Variants in GUCY1A2 observed in about 807,000 individuals in gnomAD.
GUCY1A2 encodes guanylate cyclase 1 soluble subunit alpha 2, also known as guanylate cyclase soluble subunit alpha-2.
In GUCY1A2, 27 loss-of-function variants were observed where a neutral mutation model predicts 63.5. The ratio of observed to expected loss-of-function variants is 0.43; its 90% CI spans 0.31 to 0.59. The LOEUF (loss-of-function observed/expected upper bound fraction) is 0.59, where lower values mean the gene tolerates loss of function less well. Ranked by LOEUF, GUCY1A2 falls within the 20% of genes least tolerant of loss-of-function variation. The pLI, the probability that GUCY1A2 is intolerant of heterozygous loss-of-function variation, is 0.11. For missense variants in GUCY1A2, 768 were observed against 913.3 expected, an observed-to-expected ratio of 0.84 and a Z score of 2.05; for synonymous variants, 364 against 343.5, an observed-to-expected ratio of 1.06 and a Z score of -0.66.
Position 106,677,084 on chromosome 11 carries a change from G to A in GUCY1A2, c.*10465C>T, listed in dbSNP as rs1392596526. 2 of 213,690 alleles carry A rather than the reference G, an allele frequency of 9.4e-6. No individual in the cohort carries two copies. Among genetic ancestry groups the A allele is most frequent in the Non-Finnish European group, 1.9e-5 (2 of 105,582 alleles). 13.2% of individuals were successfully genotyped at this position (213,690 alleles called of 1,614,324 possible). The stretch of plus-strand genomic sequence containing the variant: ...ACAAATCCACAAAGTGTTCAATCAT[G>A]TGAAAGTGAAAAAGGGAGGCTCCAG... On this transcript the variant is annotated 3_prime_UTR_variant, in exon 8 of 8. Coordinates refer to ENST00000526355, the MANE Select transcript of GUCY1A2 (RefSeq NM_000855.3).
At position 106,712,648 on chromosome 11, in the gene GUCY1A2, G is replaced by A. The variant is rs114139511; in HGVS notation, c.1837-3982C>T. On this transcript the variant is annotated intron_variant, in intron 6 of 7. Coordinates refer to ENST00000526355, the MANE Select transcript of GUCY1A2 (RefSeq NM_000855.3). ...GTTCTGGGATGCAGTTTAATGACTT[G>A]GAAAAAATTTGTTCCTTTCAAGTCT... 8.0e-3 allele frequency among the ~76,000 whole-genome samples: 1,150 copies of A among 144,254 alleles called. 25 individuals are homozygous for A. Among genetic ancestry groups the A allele is most frequent in the African/African-American group, 0.031 (1,100 of 36,038 alleles). 94.6% of individuals were successfully genotyped at this position (144,254 alleles called of 152,430 possible).
At chr11:106,702,946 A>G (rs1862842985) in intron 7 of GUCY1A2, among the ~76,000 whole-genome samples, 1 of 152,090 alleles carries the variant, frequency 6.6e-6, no homozygotes, top group Admixed American at 6.6e-5. Flanking sequence ...TGTATCTTTG[A>G]GAGTGTTGCC....
At chr11:106,797,744 C>G (rs1364285527) in intron 5 of GUCY1A2, among the ~76,000 whole-genome samples, 1 of 152,078 alleles carries the variant, frequency 6.6e-6, no homozygotes, top group Non-Finnish European at 1.5e-5. Flanking sequence ...AACAAACCAG[C>G]ATCTCTGGGA....
chr11:106,753,591 A>T (rs1449813635), intron 6 of GUCY1A2, among the ~76,000 whole-genome samples: 1 of 152,188 alleles, frequency 6.6e-6, no homozygotes, highest in Non-Finnish European at 1.5e-5. Flanking sequence ...ATGGCTAGTC[A>T]GTTTTCCCAA....
intron 5 of GUCY1A2, among the ~76,000 whole-genome samples, chr11:106,781,484 A>G (rs1483715579): frequency 6.6e-6 from 1 of 152,210 alleles, no homozygotes; most frequent in Non-Finnish European, 1.5e-5. Flanking sequence ...TCTTTTCTCA[A>G]AACTTCAGAA....
intron 4 of GUCY1A2, among the ~76,000 whole-genome samples, chr11:106,938,573 G>A (rs898757935): frequency 4.6e-5 from 7 of 152,006 alleles, no homozygotes; most frequent in Admixed American, 4.6e-4. Context: ...ACACTCTACT[G>A]GAAACTGAAT....
chr11:106,770,321 A>G (rs1174429011), intron 6 of GUCY1A2, among the ~76,000 whole-genome samples: 1 of 152,154 alleles, frequency 6.6e-6, no homozygotes, highest in Non-Finnish European at 1.5e-5. Flanking sequence ...GAGAATGACA[A>G]GAAAAAAATG....
intron 4 of GUCY1A2, among the ~76,000 whole-genome samples, chr11:106,852,655 T>C (rs1340150370): frequency 3.9e-5 from 6 of 152,084 alleles, no homozygotes. Context: ...TCTCTGGGAT[T>C]CCTATTTGAT....
chr11:106,827,572 A>T, intron 4 of GUCY1A2: 1 of 1,445,558 alleles, frequency 6.9e-7, no homozygotes. Context: ...AGTTTCTTAT[A>T]TACATGCTGA....
chr11:106,854,897 C>A (rs901777), intron 4 of GUCY1A2, among the ~76,000 whole-genome samples: 138,243 of 152,058 alleles, frequency 0.91, 62,933 homozygotes, highest in East Asian at 1. Context: ...CTGGTGTGCT[C>A]TATCACCTGT....
rs965244345 is a variant in GUCY1A2, at chr11:106,686,327, A to C, written c.*1222T>G. 9.1e-6 allele frequency: 2 copies of C among 219,868 alleles called. No individual in the cohort carries two copies. The highest frequency in any genetic ancestry group is 2.2e-5 in the African/African-American group (1 of 44,646). The allele number at this position is 219,868 out of a possible 1,614,324, so 13.6% of individuals were successfully genotyped here. A position where few individuals can be genotyped will look rare whatever the true frequency, so the allele number is the denominator to read the frequency against. ...TAGTTCTGAAGATTATACCTACTTC[A>C]GTATTCATGAAAGTGATTCACTGAA... is the stretch of plus-strand genomic sequence containing the variant. On this transcript the variant is annotated 3_prime_UTR_variant, in exon 8 of 8. Coordinates refer to ENST00000526355, the MANE Select transcript of GUCY1A2 (RefSeq NM_000855.3).
chr11:106,741,019 G>C (rs1019832101), intron 6 of GUCY1A2, among the ~76,000 whole-genome samples: 2 of 152,174 alleles, frequency 1.3e-5, no homozygotes, highest in Non-Finnish European at 2.9e-5. Flanking sequence ...TCTTGGAGCA[G>C]AGAGCATGCC....
intron 7 of GUCY1A2, among the ~76,000 whole-genome samples, chr11:106,695,835 T>A (rs1862708758): frequency 6.6e-6 from 1 of 152,178 alleles, no homozygotes; most frequent in Non-Finnish European, 1.5e-5. Flanking sequence ...GTTGCAAATA[T>A]TTTTACTTGT....
chr11:106,897,690 T>C (rs944857544), intron 4 of GUCY1A2, among the ~76,000 whole-genome samples: 1 of 151,838 alleles, frequency 6.6e-6, no homozygotes, highest in African/African-American at 2.4e-5. Context: ...ACAGACCTCA[T>C]ATCTTTCACA....
chr11:106,879,487 C>G (rs1173946005), intron 4 of GUCY1A2, among the ~76,000 whole-genome samples: 1 of 152,074 alleles, frequency 6.6e-6, no homozygotes, highest in East Asian at 1.9e-4. Context: ...ACCTCCAGGA[C>G]ATGGCATATT....
intron 4 of GUCY1A2, among the ~76,000 whole-genome samples, chr11:106,834,554 A>G (rs1859092519): frequency 6.6e-6 from 1 of 152,004 alleles, no homozygotes; most frequent in Non-Finnish European, 1.5e-5. Context: ...TCATTGTGCT[A>G]TAGGCAAAAA....
intron 6 of GUCY1A2, among the ~76,000 whole-genome samples, chr11:106,774,581 T>C (rs183999959): frequency 5.6e-4 from 84 of 150,850 alleles, no homozygotes; most frequent in African/African-American, 1.0e-3. Flanking sequence ...TGGGTACTGA[T>C]TGACATCTTT....
At chr11:106,906,151 C>G (rs1364235933) in intron 4 of GUCY1A2, among the ~76,000 whole-genome samples, 2 of 152,086 alleles carry the variant, frequency 1.3e-5, no homozygotes, top group Non-Finnish European at 2.9e-5. Flanking sequence ...TCAGAGTAAA[C>G]AGGAAACCTA....
intron 6 of GUCY1A2, among the ~76,000 whole-genome samples, chr11:106,774,586 A>G (rs78545680): frequency 1.3e-5 from 2 of 150,848 alleles, no homozygotes; most frequent in African/African-American, 5.0e-5. Context: ...ACTGATTGAC[A>G]TCTTTTAATA....
Sources: allele counts gnomAD v4.1 joint callset (sites outside exome capture counted in the v4.1 genomes callset), GRCh38; gene constraint gnomAD v4.1.1; transcripts MANE v1.5; gene names NCBI Gene and HGNC (gene_info 2026-07-23, HGNC 2026-07-21).